Variants in VPS26A observed in about 807,000 individuals in gnomAD.
The protein encoded by VPS26A is VPS26 retromer complex component A.
In VPS26A, 22 loss-of-function variants were observed where a neutral mutation model predicts 42.4. The ratio of observed to expected loss-of-function variants is 0.52; its 90% CI spans 0.37 to 0.74. VPS26A has a LOEUF of 0.74. Among genes scored for constraint, VPS26A ranks in the 30% least tolerant of loss-of-function variants. VPS26A has a pLI of 0.00. For synonymous variants in VPS26A, 110 were observed against 123.5 expected (o/e 0.89, Z 0.73); for missense variants, 276 against 379.2 (o/e 0.73, Z 2.26).
At chr10:69,136,568 CT>C (rs1000524046) in intron 2 of VPS26A, among the ~76,000 whole-genome samples, 1 of 151,908 alleles carries the variant, frequency 6.6e-6, no homozygotes, top group Non-Finnish European at 1.5e-5. Context: ...CATGGCTGGC[CT>C]TTTTTCTTTT....
At chr10:69,164,830 A>T (rs112093085) in intron 6 of VPS26A, among the ~76,000 whole-genome samples, 348 of 152,096 alleles carry the variant, frequency 2.3e-3, no homozygotes, top group African/African-American at 7.8e-3. Context: ...TTTTTTCCAG[A>T]TGGCTGACCA....
At chr10:69,134,376 C>G (rs1196914291) in intron 2 of VPS26A, among the ~76,000 whole-genome samples, 2 of 152,034 alleles carry the variant, frequency 1.3e-5, no homozygotes, top group Non-Finnish European at 2.9e-5. Context: ...GTAAATTTTT[C>G]TCTAAATTTC....
chr10:69,172,111 T>A lies in VPS26A; in HGVS notation c.*842T>A, dbSNP rs965458435. 14 of 152,246 alleles carry A rather than the reference T, an allele frequency of 9.2e-5. No homozygotes were observed. The highest frequency in any genetic ancestry group is 3.4e-4 in the African/African-American group (14 of 41,472). The allele number at this position is 152,246 out of a possible 1,614,324, so 9.4% of individuals were successfully genotyped here. ...TATTTATATATTTCAATTTAAGGAA[T>A]CTTTTTGCCATGTGTATGCAAATAT... On this transcript the variant is annotated 3_prime_UTR_variant, in exon 9 of 9. Transcript: ENST00000263559.
chr10:69,158,598 G>C (rs1253019361), intron 5 of VPS26A, among the ~76,000 whole-genome samples: 1 of 151,670 alleles, frequency 6.6e-6, no homozygotes, highest in East Asian at 1.9e-4. Flanking sequence ...TGGGGGGAGG[G>C]GGAAGGTATA....
chr10:69,129,163 TA>T (rs1840722170), intron 1 of VPS26A, among the ~76,000 whole-genome samples: 1 of 152,182 alleles, frequency 6.6e-6, no homozygotes, highest in African/African-American at 2.4e-5. Context: ...GTTTTCCATC[TA>T]AAATAGACTG....
intron 2 of VPS26A, among the ~76,000 whole-genome samples, chr10:69,151,451 CA>C (rs150296063): frequency 0.06 from 6,357 of 105,318 alleles, 99 homozygotes; most frequent in South Asian, 0.11. Flanking sequence ...GACTCCGTCT[CA>C]AAAAAAAAAA....
chr10:69,152,892 C>G (rs957365763), intron 2 of VPS26A, among the ~76,000 whole-genome samples: 3 of 151,618 alleles, frequency 2.0e-5, no homozygotes, highest in African/African-American at 7.3e-5. Flanking sequence ...ATGGCATGAA[C>G]CTGGAAGGCA....
intron 1 of VPS26A, among the ~76,000 whole-genome samples, chr10:69,125,190 C>CT (rs1435384812): frequency 6.6e-6 from 1 of 152,176 alleles, no homozygotes; most frequent in African/African-American, 2.4e-5. Flanking sequence ...CTGCTTGAGA[C>CT]TTTTGGCTTA....
Position 69,162,469 on chromosome 10 carries a change from A to G in VPS26A, c.615A>G (p.Gln205=). The G allele has an allele frequency of 1.3e-6, 2 of 1,574,824 alleles. No individual in the cohort carries two copies. The highest frequency in any genetic ancestry group is 8.7e-7 in the Non-Finnish European group (1 of 1,148,768). Residue 205 remains glutamine (Q), a synonymous_variant, in exon 6 of 9, where the codon CAA becomes CAG. Transcript: ENST00000263559. ...TCTTATTAGTAAGAATAAAAATACA[A>G]CATATGGAGTTACAGCTGATCAAAA... is the stretch of plus-strand genomic sequence containing the variant. ...IYFLLVRIKI[Q]HMELQLIKKE...
At chr10:69,162,298 G>A in intron 5 of VPS26A, 108 bp from the exon 6 acceptor site, 1 of 565,654 alleles carries the variant, frequency 1.8e-6, no homozygotes, top group Non-Finnish European at 3.0e-6. Context: ...CCTCAAAATG[G>A]CTTAAGTAAT....
At chr10:69,155,716 C>T in intron 2 of VPS26A, 96 bp from the exon 3 acceptor site, 1 of 897,454 alleles carries the variant, frequency 1.1e-6, no homozygotes, top group Middle Eastern at 2.1e-4. Context: ...AAATGAATAC[C>T]TGAAATATTT....
In VPS26A at chr10:69,158,095, A is replaced by G. The variant is rs1007140281; in HGVS notation, c.435A>G (p.Lys145=). The stretch of plus-strand genomic sequence containing the variant: ...TGAGAAGACTGACAGATTTGGTAAA[A>G]GAGTATGATCTTATTGTTCACCAGC... The part of the protein sequence containing the change: ...TIVRRLTDLV[K]EYDLIVHQLA... The change falls in exon 5 of 9, where the codon AAA becomes AAG. Residue 145 remains lysine, a synonymous_variant. Coordinates refer to ENST00000263559, the MANE Select transcript of VPS26A (RefSeq NM_004896.5). 4 of 1,612,122 alleles carry G rather than the reference A, an allele frequency of 2.5e-6. No homozygotes were observed. The African/African-American group carries it at 5.3e-5, about 22-fold the overall frequency.
intron 1 of VPS26A, among the ~76,000 whole-genome samples, chr10:69,124,855 T>C (rs1349893096): frequency 1.3e-5 from 2 of 152,192 alleles, no homozygotes; most frequent in Admixed American, 1.3e-4. Flanking sequence ...ATGGGGGATA[T>C]CTTTAACTCC....
intron 1 of VPS26A, among the ~76,000 whole-genome samples, chr10:69,125,091 G>A (rs886069053): frequency 2.0e-5 from 3 of 152,090 alleles, no homozygotes; most frequent in African/African-American, 7.2e-5. Flanking sequence ...CCCATTTTCT[G>A]GTAGTAGTCG....
intron 2 of VPS26A, among the ~76,000 whole-genome samples, chr10:69,148,899 G>A (rs1447250888): frequency 1.3e-5 from 2 of 151,908 alleles, no homozygotes; most frequent in Admixed American, 6.6e-5. Context: ...GGGACTACAG[G>A]TGCCCGCCAC....
rs1841872452 is a variant in VPS26A at position 69,173,865 on chromosome 10, C to T, written c.*2596C>T. ...AAAATGCATTAGTCGGGCGTGGTGG[C>T]ACATGCCTGTAATCCCAGCTACTAG... On this transcript the variant is annotated 3_prime_UTR_variant, in exon 9 of 9. Transcript: ENST00000263559. 6.6e-6 allele frequency among the ~76,000 whole-genome samples: 1 copy of T among 151,902 alleles called. No homozygotes were observed. The highest frequency in any genetic ancestry group is 1.9e-4 in the East Asian group (1 of 5,180).
rs1841682426 is a variant in VPS26A, at chr10:69,166,116, A to G, written c.727+6A>G. 1.9e-6 allele frequency: 3 copies of G among 1,612,764 alleles called. No individual in the cohort carries two copies. Among genetic ancestry groups the G allele is most frequent in the Non-Finnish European group, 2.5e-6 (3 of 1,179,216 alleles). On this transcript the variant is annotated splice_donor_region_variant and intron_variant, in intron 7 of 8. Transcript: ENST00000263559. Reference sequence around the variant, plus strand: ...GGATGGTGCACCAGTAAAAGGTAACACACTTTTCAGTTACTTCTTTTGTAT... The same window carrying G: ...GGATGGTGCACCAGTAAAAGGTAACGCACTTTTCAGTTACTTCTTTTGTAT...
At chr10:69,137,489 G>C (rs938788305) in intron 2 of VPS26A, among the ~76,000 whole-genome samples, 3 of 152,138 alleles carry the variant, frequency 2.0e-5, no homozygotes, top group African/African-American at 7.2e-5. Context: ...TAGGCTGTCT[G>C]TTCCTATAGG....
intron 2 of VPS26A, among the ~76,000 whole-genome samples, chr10:69,135,933 T>TG (rs913681683): frequency 6.6e-6 from 1 of 152,256 alleles, no homozygotes; most frequent in Non-Finnish European, 1.5e-5. Context: ...ACCAGTGTAC[T>TG]GACTTTTATA....
Sources: gnomAD v4.1 joint callset for allele counts (sites outside exome capture counted in the v4.1 genomes callset) on GRCh38, gnomAD v4.1.1 for gene constraint, MANE v1.5 for transcripts, NCBI Gene and HGNC (gene_info 2026-07-23, HGNC 2026-07-21) for gene names.